CDC73: variants seen among roughly 807,000 people sequenced by gnomAD.
CDC73 encodes parafibromin.
CDC73 carries 21 observed loss-of-function variants against 83.7 expected under a neutral mutation model. The observed-to-expected ratio is 0.25, with a 90% CI of 0.18 to 0.36. The LOEUF (loss-of-function observed/expected upper bound fraction) is 0.36. CDC73 is among the 10% of genes least tolerant of loss of function. The probability of loss-of-function intolerance (pLI) is 1.00; values close to 1 mark genes in which losing one functional copy is unlikely to be tolerated. For synonymous variants in CDC73, 224 were observed against 212.9 expected (o/e 1.05, Z -0.45); for missense variants, 342 against 653.3 (o/e 0.52, Z 5.19).
chr1:193,144,476 T>C (rs1006900577), intron 7 of CDC73, among the ~76,000 whole-genome samples: 6 of 152,042 alleles, frequency 3.9e-5, no homozygotes, highest in Non-Finnish European at 8.8e-5. Context: ...TAAGATTTTA[T>C]GTGCATTTTT....
chr1:193,148,042 T>A (rs1676040300), intron 8 of CDC73, 77 bp downstream of exon 8: 2 of 941,784 alleles, frequency 2.1e-6, no homozygotes, highest in Non-Finnish European at 3.5e-6. Flanking sequence ...GTTGAAGACA[T>A]CTTCACATTT....
At chr1:193,131,780 C>T (rs961197877) in intron 3 of CDC73, among the ~76,000 whole-genome samples, 1 of 152,180 alleles carries the variant, frequency 6.6e-6, no homozygotes, top group Non-Finnish European at 1.5e-5. Context: ...GATCTGTGCT[C>T]AAGTGTTTTT....
intron 10 of CDC73, among the ~76,000 whole-genome samples, chr1:193,201,737 G>T (rs1677094422): frequency 6.6e-6 from 1 of 152,004 alleles, no homozygotes; most frequent in Admixed American, 6.6e-5. Context: ...TAGTGGAAAA[G>T]GTTTTTTTTT....
intron 13 of CDC73, among the ~76,000 whole-genome samples, chr1:193,225,242 C>T (rs1041237360): frequency 1.4e-5 from 1 of 70,090 alleles, no homozygotes; most frequent in African/African-American, 4.6e-5. Flanking sequence ...AGTAGTATTC[C>T]ATGATATATA....
chr1:193,220,253 A>G (rs1035619843), intron 13 of CDC73, among the ~76,000 whole-genome samples: 1 of 130,836 alleles, frequency 7.6e-6, no homozygotes, highest in African/African-American at 3.0e-5. Flanking sequence ...TGTAACCTCC[A>G]CCTCCCGGGT....
chr1:193,135,492 C>T (rs766250348), intron 4 of CDC73, 39 bp downstream of exon 4: 8 of 1,607,012 alleles, frequency 5.0e-6, no homozygotes, highest in Non-Finnish European at 6.8e-6. Flanking sequence ...CTTTCAGAAG[C>T]CCATTCCAAA....
At chr1:193,134,237 A>C (rs1675747335) in intron 3 of CDC73, among the ~76,000 whole-genome samples, 1 of 152,054 alleles carries the variant, frequency 6.6e-6, no homozygotes, top group South Asian at 2.1e-4. Context: ...ATTTATGAAA[A>C]CTTGTGACTT....
chr1:193,247,424 A>T (rs1337115759), intron 15 of CDC73, among the ~76,000 whole-genome samples: 2 of 151,922 alleles, frequency 1.3e-5, no homozygotes, highest in Admixed American at 6.6e-5. Flanking sequence ...TTTTCCTGAG[A>T]CACAGCAGTA....
At chr1:193,198,114 A>C (rs1372244387) in intron 10 of CDC73, among the ~76,000 whole-genome samples, 1 of 152,182 alleles carries the variant, frequency 6.6e-6, no homozygotes. Context: ...GTGTATAGTG[A>C]TTAAACACCT....
intron 7 of CDC73, 138 bp from the exon 8 acceptor site, chr1:193,147,729 A>T (rs569032894): frequency 1.5e-6 from 1 of 662,114 alleles, no homozygotes; most frequent in African/African-American, 1.8e-5. Flanking sequence ...TGGTTTTTAC[A>T]TATGTGTATA....
intron 10 of CDC73, among the ~76,000 whole-genome samples, chr1:193,154,473 AAG>A (rs1271105642): frequency 6.6e-5 from 10 of 152,202 alleles, no homozygotes; most frequent in South Asian, 4.1e-4. Context: ...AATATACTGA[AAG>A]AGGTGAATTT....
chr1:193,187,137 G>A (rs1340129355), intron 10 of CDC73, among the ~76,000 whole-genome samples: 1 of 128,554 alleles, frequency 7.8e-6, no homozygotes, highest in African/African-American at 3.0e-5. Flanking sequence ...GTATAAATAA[G>A]CTGTCTTGGA....
At chr1:193,209,384 A>C (rs903824659) in intron 11 of CDC73, among the ~76,000 whole-genome samples, 1 of 152,204 alleles carries the variant, frequency 6.6e-6, no homozygotes, top group East Asian at 1.9e-4. Flanking sequence ...TATTTTTTAA[A>C]TTCTCACAGC....
chr1:193,205,835 C>G (rs975223601), intron 11 of CDC73, among the ~76,000 whole-genome samples: 1 of 152,122 alleles, frequency 6.6e-6, no homozygotes, highest in African/African-American at 2.4e-5. Context: ...TAGGGATGGA[C>G]AGATGGGGTT....
At chr1:193,152,971 CG>C (rs978994681) in intron 10 of CDC73, among the ~76,000 whole-genome samples, 65 of 152,038 alleles carry the variant, frequency 4.3e-4, no homozygotes, top group African/African-American at 1.5e-3. Flanking sequence ...TTAGTAGAGA[CG>C]GGGTTTCGCT....
intron 13 of CDC73, among the ~76,000 whole-genome samples, chr1:193,213,781 A>C (rs1390261401): frequency 6.6e-6 from 1 of 152,158 alleles, no homozygotes; most frequent in African/African-American, 2.4e-5. Flanking sequence ...GCTTGAAGTT[A>C]CGTCCTTCCA....
chr1:193,206,356 C>A (rs1230995524), intron 11 of CDC73, among the ~76,000 whole-genome samples: 2 of 152,134 alleles, frequency 1.3e-5, no homozygotes, highest in African/African-American at 4.8e-5. Context: ...TTTCTACTTC[C>A]ACTTAACTGC....
chr1:193,136,991 T>C (rs1675812786), intron 5 of CDC73, among the ~76,000 whole-genome samples: 1 of 152,014 alleles, frequency 6.6e-6, no homozygotes, highest in Admixed American at 6.6e-5. Flanking sequence ...TACATTTTTT[T>C]CCAAATCATT....
intron 2 of CDC73, among the ~76,000 whole-genome samples, chr1:193,127,289 A>ATG (rs34948918): frequency 0.021 from 2,967 of 143,144 alleles, 70 homozygotes; most frequent in African/African-American, 0.057. Context: ...AAAAAAAAAA[A>ATG]TGTGTGTGTG....
Sources: allele counts gnomAD v4.1 joint callset (sites outside exome capture counted in the v4.1 genomes callset), GRCh38; gene constraint gnomAD v4.1.1; transcripts MANE v1.5; gene names NCBI Gene and HGNC (gene_info 2026-07-23, HGNC 2026-07-21).